The following KCND2 variants were observed in gnomAD, a reference collection of about 807,000 sequenced individuals.
KCND2 encodes the protein potassium voltage-gated channel subfamily D member 2.
A neutral mutation model predicts 54.4 loss-of-function variants in KCND2; 16 were observed. The observed-to-expected ratio is 0.29, with a 90% confidence interval of 0.20 to 0.45. The LOEUF (loss-of-function observed/expected upper bound fraction) is 0.45. Among genes scored for constraint, KCND2 ranks in the 20% least tolerant of loss-of-function variants. The pLI is 1.00. For synonymous variants in KCND2, 317 were observed against 310.7 expected (o/e 1.02, Z -0.21); for missense variants, 486 against 824.2 (o/e 0.59, Z 5.02).
At chr7:120,527,775 C>A (rs956532530) in intron 1 of KCND2, among the ~76,000 whole-genome samples, 12 of 152,174 alleles carry the variant, frequency 7.9e-5, no homozygotes, top group African/African-American at 2.9e-4. Flanking sequence ...TGCCTCCTCA[C>A]TCTTCCCAAA....
intron 1 of KCND2, among the ~76,000 whole-genome samples, chr7:120,289,405 C>CA (rs1189085333): frequency 6.6e-6 from 1 of 152,082 alleles, no homozygotes; most frequent in East Asian, 1.9e-4. Flanking sequence ...GGCTAACCAA[C>CA]AAAATCAAGC....
chr7:120,734,109 GAA>G (rs1792842273), intron 2 of KCND2, among the ~76,000 whole-genome samples: 1 of 152,196 alleles, frequency 6.6e-6, no homozygotes, highest in Admixed American at 6.6e-5. Context: ...GCAGTAAAAG[GAA>G]AGTGACATAC....
chr7:120,590,936 G>A (rs1388120132), intron 1 of KCND2, among the ~76,000 whole-genome samples: 2 of 151,998 alleles, frequency 1.3e-5, no homozygotes, highest in Admixed American at 1.3e-4. Context: ...ACTGTCTTGT[G>A]TTTATCTTTT....
Position 120,274,611 on chromosome 7 carries a change from C to G in KCND2, c.-22C>G, listed in dbSNP as rs778263656. On this transcript the variant is annotated 5_prime_UTR_variant, in exon 1 of 6. Coordinates refer to ENST00000331113, the MANE Select transcript of KCND2 (RefSeq NM_012281.3). ...CCATTGTAGACGCCTCGTTACCCTTCTTCCTTCCGCTTCAAGTAATCATGG... is the reference window on the plus strand; with the variant it reads ...CCATTGTAGACGCCTCGTTACCCTTGTTCCTTCCGCTTCAAGTAATCATGG... 1 of 1,614,146 alleles carries G rather than the reference C, an allele frequency of 6.2e-7. No individual in the cohort carries two copies. The highest frequency in any genetic ancestry group is 8.5e-7 in the Non-Finnish European group (1 of 1,180,026).
At chr7:120,477,932 A>G (rs976109578) in intron 1 of KCND2, among the ~76,000 whole-genome samples, 1 of 152,158 alleles carries the variant, frequency 6.6e-6, no homozygotes, top group Non-Finnish European at 1.5e-5. Flanking sequence ...AATTATTGTC[A>G]CAAACTTCTC....
intron 1 of KCND2, among the ~76,000 whole-genome samples, chr7:120,728,755 C>T (rs561991150): frequency 8.6e-5 from 13 of 151,728 alleles, no homozygotes; most frequent in African/African-American, 1.7e-4. Context: ...GATTTTTCAA[C>T]GACTGAGTAC....
In KCND2 at chr7:120,536,847, T is replaced by C. The variant is rs549310659; in HGVS notation, c.1116-196056T>C. 1.1e-4 allele frequency among the ~76,000 whole-genome samples: 17 copies of C among 152,346 alleles called. 1 individual carries two copies. In the South Asian group the frequency reaches 3.3e-3, roughly 30 times the overall value. On this transcript the variant is annotated intron_variant, in intron 1 of 5. Transcript: ENST00000331113. ...ACCCATGAGGGATGTAATAAACTTC[T>C]TTCTTTTTAATTATTTTTGTCAGAT... is the stretch of plus-strand genomic sequence containing the variant.
chr7:120,446,513 A>G (rs1802020809), intron 1 of KCND2, among the ~76,000 whole-genome samples: 2 of 152,066 alleles, frequency 1.3e-5, no homozygotes, highest in Non-Finnish European at 2.9e-5. Flanking sequence ...GCATAAAAGA[A>G]AGGAAGATTT....
chr7:120,359,098 A>C (rs1299216156), intron 1 of KCND2, among the ~76,000 whole-genome samples: 1 of 152,138 alleles, frequency 6.6e-6, no homozygotes, highest in African/African-American at 2.4e-5. Context: ...GATTGATATT[A>C]ATGGTATTTT....
chr7:120,295,371 C>G lies in KCND2; in HGVS notation c.1115+19624C>G, dbSNP rs943495201. Among the ~76,000 whole-genome samples, 271 of 144,418 alleles carry G rather than the reference C, an allele frequency of 1.9e-3. 2 individuals carry two copies. The highest frequency in any genetic ancestry group is 7.5e-3 in the African/African-American group (266 of 35,262). 94.7% of individuals were successfully genotyped at this position (144,418 alleles called of 152,430 possible). A position where few individuals can be genotyped will look rare whatever the true frequency, so the allele number is the denominator to read the frequency against. ...TAACACACACACACACACACACACA[C>G]ACACACACACACACACACACAGACA... On this transcript the variant is annotated intron_variant, in intron 1 of 5. Coordinates refer to ENST00000331113, the MANE Select transcript of KCND2 (RefSeq NM_012281.3).
chr7:120,433,901 G>C (rs1801829767), intron 1 of KCND2, among the ~76,000 whole-genome samples: 1 of 152,120 alleles, frequency 6.6e-6, no homozygotes, highest in East Asian at 1.9e-4. Flanking sequence ...TTAACTTATT[G>C]TACATAGCAA....
At chr7:120,568,421 T>C (rs901826366) in intron 1 of KCND2, among the ~76,000 whole-genome samples, 3 of 152,148 alleles carry the variant, frequency 2.0e-5, no homozygotes, top group Admixed American at 6.6e-5. Context: ...CTTCAAATAA[T>C]TTAATTGATA....
At chr7:120,602,591 G>C (rs904114065) in intron 1 of KCND2, among the ~76,000 whole-genome samples, 1 of 152,128 alleles carries the variant, frequency 6.6e-6, no homozygotes, top group Non-Finnish European at 1.5e-5. Context: ...AGTATTTGGA[G>C]TTTTTCCTTA....
Position 120,736,297 on chromosome 7 carries a change from G to A in KCND2, c.1278+3232G>A, listed in dbSNP as rs375299207. 5.9e-4 allele frequency among the ~76,000 whole-genome samples: 89 copies of A among 152,004 alleles called. No homozygotes were observed. In the Middle Eastern group the frequency reaches 0.01, roughly 17 times the overall value. Reference sequence around the variant, plus strand: ...GCTGTCCACTCCTGCCATATACAGGGAATACATGGTTTACCCCATTTCTAT... The same window carrying A: ...GCTGTCCACTCCTGCCATATACAGGAAATACATGGTTTACCCCATTTCTAT... On this transcript the variant is annotated intron_variant, in intron 2 of 5. Coordinates refer to ENST00000331113, the MANE Select transcript of KCND2 (RefSeq NM_012281.3).
At chr7:120,664,692 G>A (rs536691401) in intron 1 of KCND2, among the ~76,000 whole-genome samples, 1 of 152,010 alleles carries the variant, frequency 6.6e-6, no homozygotes, top group Non-Finnish European at 1.5e-5. Flanking sequence ...TTATGTTGGC[G>A]AGAAAACAGA....
intron 1 of KCND2, among the ~76,000 whole-genome samples, chr7:120,701,706 C>A (rs1444260196): frequency 6.6e-6 from 1 of 152,080 alleles, no homozygotes; most frequent in Admixed American, 6.5e-5. Flanking sequence ...GAGGAAAGGA[C>A]TCCTTATTTA....
At chr7:120,656,343 T>A (rs1859534) in intron 1 of KCND2, among the ~76,000 whole-genome samples, 26,477 of 152,164 alleles carry the variant, frequency 0.17, 2,700 homozygotes, top group African/African-American at 0.27. Context: ...TTTTAGATTA[T>A]GCATAGCACT....
intron 1 of KCND2, among the ~76,000 whole-genome samples, chr7:120,615,433 G>T (rs1249482685): frequency 6.6e-6 from 1 of 152,124 alleles, no homozygotes; most frequent in Non-Finnish European, 1.5e-5. Flanking sequence ...TATAGCCCAG[G>T]AATATAATAT....
intron 1 of KCND2, among the ~76,000 whole-genome samples, chr7:120,307,746 T>C (rs1242293597): frequency 6.6e-6 from 1 of 152,136 alleles, no homozygotes; most frequent in Non-Finnish European, 1.5e-5. Context: ...GGAATTACTC[T>C]TTAGAACTGA....
Sources: allele counts gnomAD v4.1 joint callset (sites outside exome capture counted in the v4.1 genomes callset), GRCh38; gene constraint gnomAD v4.1.1; transcripts MANE v1.5; gene names NCBI Gene and HGNC (gene_info 2026-07-23, HGNC 2026-07-21).